Variants in USP5 observed in about 807,000 individuals in gnomAD.
USP5 encodes ubiquitin carboxyl-terminal hydrolase 5.
Under a neutral mutation model 102.5 loss-of-function variants are expected in USP5, and 24 were observed. The ratio of observed to expected loss-of-function variants is 0.23; its 90% CI spans 0.17 to 0.33. The LOEUF (loss-of-function observed/expected upper bound fraction) is 0.33, where lower values mean the gene tolerates loss of function less well. Ranked by LOEUF, USP5 falls within the 10% of genes least tolerant of loss-of-function variation. The pLI, the probability that USP5 is intolerant of heterozygous loss-of-function variation, is 1.00. For missense variants in USP5, 753 were observed against 1,122.1 expected, an observed-to-expected ratio of 0.67 and a Z score of 4.70; for synonymous variants, 460 against 434.8, an observed-to-expected ratio of 1.06 and a Z score of -0.72.
intron 8 of USP5, among the ~76,000 whole-genome samples, chr12:6,859,121 G>T (rs1180535827): frequency 2.0e-5 from 3 of 152,188 alleles, no homozygotes; most frequent in Admixed American, 2.0e-4. Flanking sequence ...ATAAAGGCAG[G>T]TTCTCAGCAG....
Position 6,861,412 on chromosome 12 carries a change from C to G in USP5, c.1499-31C>G. On this transcript the variant is annotated intron_variant, in intron 12 of 19. Coordinates refer to ENST00000229268, the MANE Select transcript of USP5 (RefSeq NM_001098536.2). This position sits in a 1 kb window ranked among gnomAD's most constrained non-coding sequence, Gnocchi z 4.9. Reference sequence around the variant, plus strand: ...AAGGAGGCAAAGAAGCAGCACCCTCCGAAGGATCCACCAACCCATTCTGTC... The same window carrying G: ...AAGGAGGCAAAGAAGCAGCACCCTCGGAAGGATCCACCAACCCATTCTGTC... 2 of 1,538,214 alleles carry G rather than the reference C, an allele frequency of 1.3e-6. No homozygotes were observed. The highest frequency in any genetic ancestry group is 1.8e-6 in the Non-Finnish European group (2 of 1,136,890).
intron 1 of USP5, among the ~76,000 whole-genome samples, chr12:6,853,191 C>T (rs1365966786): frequency 6.6e-6 from 1 of 152,214 alleles, no homozygotes; most frequent in Admixed American, 6.5e-5. Context: ...GATCCGCCCC[C>T]CTCACCACCC....
chr12:6,860,318 T>C lies in USP5; in HGVS notation c.1219-48T>C, dbSNP rs781985729. On this transcript the variant is annotated intron_variant, in intron 10 of 19. Transcript: ENST00000229268. This position sits in a 1 kb window ranked among gnomAD's most constrained non-coding sequence, Gnocchi z 5.5. ...CTGGGAGATGTCTAAAGAAGGCCCC[T>C]GGATGGCCACTGAGCCCCAGCTGAG... 1.2e-6 allele frequency: 2 copies of C among 1,613,792 alleles called. No individual in the cohort carries two copies. Among genetic ancestry groups the C allele is most frequent in the Non-Finnish European group, 1.7e-6 (2 of 1,179,782 alleles).
Position 6,852,151 on chromosome 12 carries a change from C to G in USP5, c.-29C>G. ...AGGGGACTGGGAACGGTGGGAGCCG[C>G]CGTGTGTGGAGAAGCTGCTGCCGGT... On this transcript the variant is annotated 5_prime_UTR_variant, in exon 1 of 20. Transcript: ENST00000229268. 1 of 1,593,776 alleles carries G rather than the reference C, an allele frequency of 6.3e-7. No homozygotes were observed. The highest frequency in any genetic ancestry group is 8.5e-7 in the Non-Finnish European group (1 of 1,170,184).
In USP5 at chr12:6,861,194, G is replaced by A; in HGVS notation, c.1498+88G>A. 1.3e-6 allele frequency: 2 copies of A among 1,558,740 alleles called. No homozygotes were observed. The highest frequency in any genetic ancestry group is 1.7e-6 in the Non-Finnish European group (2 of 1,152,952). ...GGGCACCTCATGGGAGCACAGCCCA[G>A]GGAATGCCCTGCTTCACCAGCCAAG... On this transcript the variant is annotated intron_variant, in intron 12 of 19. Transcript: ENST00000229268. This position sits in a 1 kb window ranked among gnomAD's most constrained non-coding sequence, Gnocchi z 4.9.
At chr12:6,854,640 C>G (rs1944054707) in intron 1 of USP5, among the ~76,000 whole-genome samples, 1 of 151,796 alleles carries the variant, frequency 6.6e-6, no homozygotes, top group Admixed American at 6.6e-5. Flanking sequence ...TGCCTGTAGT[C>G]CCAGCTCCTT....
In USP5 at chr12:6,856,869, C is replaced by T; in HGVS notation, c.747C>T (p.Gly249=). 4 of 1,614,132 alleles carry T rather than the reference C, an allele frequency of 2.5e-6. No homozygotes were observed. The highest frequency in any genetic ancestry group is 1.1e-5 in the South Asian group (1 of 91,090). ...ETGYPLAVKL[G]TITPDGADVY... The stretch of plus-strand genomic sequence containing the variant: ...GCTACCCGTTAGCTGTCAAGCTGGG[C>T]ACCATCACCCCTGATGGAGCTGGTA... The change falls in exon 6 of 20, where the codon GGC becomes GGT. Residue 249 remains glycine (G), a synonymous_variant. Transcript: ENST00000229268. This position sits in a 1 kb window ranked among gnomAD's most constrained non-coding sequence, Gnocchi z 5.6.
chr12:6,864,644 G>C lies in USP5; in HGVS notation c.2245-78G>C, dbSNP rs782065035. 1.3e-6 allele frequency: 2 copies of C among 1,490,658 alleles called. No homozygotes were observed. The highest frequency in any genetic ancestry group is 1.3e-5 in the South Asian group (1 of 79,984). The allele number at this position is 1,490,658 out of a possible 1,614,324, so 92.3% of individuals were successfully genotyped here. Reference sequence around the variant, plus strand: ...GCGGAGCTTGCAGTGAGCCGAGATCGCGCCACTGCACTCCAGCCTGGGCGA... The same window carrying C: ...GCGGAGCTTGCAGTGAGCCGAGATCCCGCCACTGCACTCCAGCCTGGGCGA... On this transcript the variant is annotated intron_variant, in intron 17 of 19. Coordinates refer to ENST00000229268, the MANE Select transcript of USP5 (RefSeq NM_001098536.2). The surrounding 1 kb of genome is among the most constrained non-coding windows in gnomAD (Gnocchi z 4.8).
At position 6,860,026 on chromosome 12, in the gene USP5, T is replaced by C; in HGVS notation, c.1131-125T>C. On this transcript the variant is annotated intron_variant, in intron 9 of 19. Transcript: ENST00000229268. This position sits in a 1 kb window ranked among gnomAD's most constrained non-coding sequence, Gnocchi z 5.5. ...TTGTCTGTCTTGAGCTGGGTTCCTG[T>C]AGAATCTAAGGTTTTTCACGTTGTT... 1.9e-6 allele frequency: 2 copies of C among 1,043,988 alleles called. No individual in the cohort carries two copies. Among genetic ancestry groups the C allele is most frequent in the Non-Finnish European group, 2.8e-6 (2 of 702,976 alleles). 64.7% of individuals were successfully genotyped at this position (1,043,988 alleles called of 1,614,324 possible).
In USP5 at chr12:6,856,764, T is replaced by C. The variant is rs781828767; in HGVS notation, c.642T>C (p.Asp214=). Reference sequence around the variant, plus strand: ...AGAACCTGTGGCTCAACCTGACTGATGGCTCCATCCTCTGTGGGCGACGCT... The same window carrying C: ...AGAACCTGTGGCTCAACCTGACTGACGGCTCCATCCTCTGTGGGCGACGCT... ...MRENLWLNLT[D]GSILCGRRYF... The change falls in exon 6 of 20, where the codon GAT becomes GAC. Residue 214 remains aspartate (D), a synonymous_variant. Transcript: ENST00000229268. This position sits in a 1 kb window ranked among gnomAD's most constrained non-coding sequence, Gnocchi z 5.6. 3.1e-5 allele frequency: 50 copies of C among 1,614,140 alleles called. No individual in the cohort carries two copies. Among genetic ancestry groups the C allele is most frequent in the Non-Finnish European group, 4.1e-5 (48 of 1,180,022 alleles).
At position 6,856,544 on chromosome 12, in the gene USP5, G is replaced by T; in HGVS notation, c.584+94G>T. ...GATCTGGTGGGAGAGAGGGTAGGGA[G>T]CAGGACAGGAAGGGAAGCTTGGAAA... On this transcript the variant is annotated intron_variant, in intron 5 of 19. Coordinates refer to ENST00000229268, the MANE Select transcript of USP5 (RefSeq NM_001098536.2). This position sits in a 1 kb window ranked among gnomAD's most constrained non-coding sequence, Gnocchi z 5.6. The T allele has an allele frequency of 1.3e-6, 2 of 1,551,904 alleles. No homozygotes were observed. The highest frequency in any genetic ancestry group is 1.7e-6 in the Non-Finnish European group (2 of 1,151,240).
Position 6,858,282 on chromosome 12 carries a change from T to G in USP5, c.865-142T>G. On this transcript the variant is annotated intron_variant, in intron 7 of 19. Transcript: ENST00000229268. This position sits in a 1 kb window ranked among gnomAD's most constrained non-coding sequence, Gnocchi z 4.2. Reference sequence around the variant, plus strand: ...TTCCAGAACTTGAACTGGACGATACTCAACATACCTCCCATGTTTGAGCCT... The same window carrying G: ...TTCCAGAACTTGAACTGGACGATACGCAACATACCTCCCATGTTTGAGCCT... 1.2e-6 allele frequency: 1 copy of G among 825,956 alleles called. No individual in the cohort carries two copies. Among genetic ancestry groups the G allele is most frequent in the Non-Finnish European group, 1.8e-6 (1 of 542,624 alleles). The allele number at this position is 825,956 out of a possible 1,614,324, so 51.2% of individuals were successfully genotyped here.
In USP5 at chr12:6,855,995, C is replaced by T; in HGVS notation, c.305-22C>T. The T allele has an allele frequency of 6.2e-7, 1 of 1,614,034 alleles. No homozygotes were observed. The highest frequency in any genetic ancestry group is 1.1e-5 in the South Asian group (1 of 91,070). On this transcript the variant is annotated intron_variant, in intron 3 of 19. Coordinates refer to ENST00000229268, the MANE Select transcript of USP5 (RefSeq NM_001098536.2). The surrounding 1 kb of genome is among the most constrained non-coding windows in gnomAD (Gnocchi z 4.6). ...ACCTGTTGTCATTGCTCTACTCTCC[C>T]TCTTCTTCCCTATCCTTCCAGGTGT...
chr12:6,859,520 C>A lies in USP5; in HGVS notation c.1109C>A (p.Thr370Asn). The A allele has an allele frequency of 6.2e-7, 1 of 1,614,212 alleles. No homozygotes were observed. The highest frequency in any genetic ancestry group is 8.5e-7 in the Non-Finnish European group (1 of 1,180,020). ...KIFQNAPTDP[T>N]QDFSTQVAKL... ...TTCCAGAATGCCCCGACGGACCCTA[C>A]CCAGGATTTCAGCACCCAGGTGTAT... is the stretch of plus-strand genomic sequence containing the variant. Residue 370 changes from threonine (T) to asparagine (N), a missense_variant, in exon 9 of 20, where the codon ACC becomes AAC. Coordinates refer to ENST00000229268, the MANE Select transcript of USP5 (RefSeq NM_001098536.2).
chr12:6,863,366 C>A lies in USP5; in HGVS notation c.1943C>A (p.Ser648Tyr). 6.2e-7 allele frequency: 1 copy of A among 1,613,820 alleles called. No individual in the cohort carries two copies. Among genetic ancestry groups the A allele is most frequent in the Non-Finnish European group, 8.5e-7 (1 of 1,179,804 alleles). Residue 648 changes from serine (S) to tyrosine (Y), a missense_variant, in exon 15 of 20, where the codon TCC becomes TAC. Physicochemically the swap from Ser to Tyr is moderately radical, Grantham distance 144. This residue lies in a region of USP5 where 193 missense variants were observed against 230.2 expected (regional missense o/e 0.84). Coordinates refer to ENST00000229268, the MANE Select transcript of USP5 (RefSeq NM_001098536.2). The surrounding 1 kb of genome is among the most constrained non-coding windows in gnomAD (Gnocchi z 4.7). ...DEDSFCSPHFSSPTSPMLDES... is the reference protein window; with the variant it reads ...DEDSFCSPHFYSPTSPMLDES... Reference sequence around the variant, plus strand: ...GACTCCTTCTGCTCCCCTCACTTCTCCTCTCCGACATGTTAGTGACTCTTC... The same window carrying A: ...GACTCCTTCTGCTCCCCTCACTTCTACTCTCCGACATGTTAGTGACTCTTC...
At position 6,864,331 on chromosome 12, in the gene USP5, C is replaced by T. The variant is rs1193846857; in HGVS notation, c.2244+136C>T. 8.6e-6 allele frequency: 11 copies of T among 1,277,854 alleles called. No homozygotes were observed. Among genetic ancestry groups the T allele is most frequent in the African/African-American group, 6.0e-5 (4 of 66,562 alleles). The allele number at this position is 1,277,854 out of a possible 1,614,324, so 79.2% of individuals were successfully genotyped here. A position where few individuals can be genotyped will look rare whatever the true frequency, so the allele number is the denominator to read the frequency against. On this transcript the variant is annotated intron_variant, in intron 17 of 19. Transcript: ENST00000229268. This position sits in a 1 kb window ranked among gnomAD's most constrained non-coding sequence, Gnocchi z 4.8. ...GTTGGGCACCACTCTTTTGTGGCTG[C>T]GATGAAGGAGCTGAAGCCTGCGTTC... is the stretch of plus-strand genomic sequence containing the variant.
At chr12:6,857,521 A>T in intron 6 of USP5, 108 bp from the exon 7 acceptor site, 1 of 887,316 alleles carries the variant, frequency 1.1e-6, no homozygotes, top group Non-Finnish European at 1.8e-6. Flanking sequence ...GGTGGACCTT[A>T]CTGGCTCTCC....
At position 6,858,315 on chromosome 12, in the gene USP5, C is replaced by A; in HGVS notation, c.865-109C>A. The stretch of plus-strand genomic sequence containing the variant: ...CCTCCCATGTTTGAGCCTGTAATTC[C>A]ACAAATTCTAGGCCACAGTTGAGTA... On this transcript the variant is annotated intron_variant, in intron 7 of 19. Coordinates refer to ENST00000229268, the MANE Select transcript of USP5 (RefSeq NM_001098536.2). This position sits in a 1 kb window ranked among gnomAD's most constrained non-coding sequence, Gnocchi z 4.2. 8.2e-7 allele frequency: 1 copy of A among 1,220,544 alleles called. No homozygotes were observed. 75.6% of individuals were successfully genotyped at this position (1,220,544 alleles called of 1,614,324 possible).
Position 6,858,576 on chromosome 12 carries a change from T to C in USP5, c.1017T>C (p.Ser339=). Residue 339 remains serine (S), a synonymous_variant, in exon 8 of 20, where the codon TCT becomes TCC. Transcript: ENST00000229268. The surrounding 1 kb of genome is among the most constrained non-coding windows in gnomAD (Gnocchi z 4.2). ...RNLGNSCYLN[S]VVQVLFSIPD... Reference sequence around the variant, plus strand: ...TGGGTAACAGCTGCTACCTCAACTCTGTGGTCCAGGTGCTCTTCAGCATCC... The same window carrying C: ...TGGGTAACAGCTGCTACCTCAACTCCGTGGTCCAGGTGCTCTTCAGCATCC... 1.2e-6 allele frequency: 2 copies of C among 1,612,940 alleles called. No individual in the cohort carries two copies. The highest frequency in any genetic ancestry group is 1.7e-6 in the Non-Finnish European group (2 of 1,178,958).
Sources: allele counts gnomAD v4.1 joint callset (sites outside exome capture counted in the v4.1 genomes callset), GRCh38; gene constraint gnomAD v4.1.1; regional missense constraint gnomAD v4.1.1; non-coding constraint Gnocchi (gnomAD v3.1); transcripts MANE v1.5; gene names NCBI Gene and HGNC (gene_info 2026-07-23, HGNC 2026-07-21).